NYNRIN: variants seen among roughly 807,000 people sequenced by gnomAD.
The protein encoded by NYNRIN is NYN domain and retroviral integrase containing.
A neutral mutation model predicts 146.6 loss-of-function variants in NYNRIN; 86 were observed. That is an observed-to-expected ratio of 0.59 (90% CI 0.49 to 0.70). NYNRIN has a LOEUF of 0.70. Ranked by LOEUF, NYNRIN falls within the 30% of genes least tolerant of loss-of-function variation. The pLI is 0.00. For missense variants in NYNRIN, 2,191 were observed against 2,377.7 expected, an observed-to-expected ratio of 0.92 and a Z score of 1.63; for synonymous variants, 1,027 against 1,001.3, an observed-to-expected ratio of 1.03 and a Z score of -0.48.
In NYNRIN at chr14:24,415,335, G is replaced by C. The variant is rs2042937575; in HGVS notation, c.3586G>C (p.Asp1196His). 4 of 1,613,828 alleles carry C rather than the reference G, an allele frequency of 2.5e-6. No homozygotes were observed. Among genetic ancestry groups the C allele is most frequent in the Admixed American group, 1.7e-5 (1 of 60,006 alleles). ...IAYTSKPLLP[D>H]EESQGPQSGG... is the part of the protein sequence containing the mutation. ...CTATACCTCAAAACCCCTCCTCCCT[G>C]ATGAGGAGAGCCAGGGCCCCCAGTC... Residue 1196 changes from aspartate to histidine, a missense_variant, in exon 9 of 9, where the codon GAT becomes CAT. By Grantham distance (81) the Asp-to-His change is moderately conservative. This residue lies in a region of NYNRIN where 1,291 missense variants were observed against 1,417.0 expected (regional missense o/e 0.91). Transcript: ENST00000382554.
chr14:24,401,666 TGA>T (rs2042844500), intron 2 of NYNRIN, among the ~76,000 whole-genome samples: 1 of 152,308 alleles, frequency 6.6e-6, no homozygotes, highest in Admixed American at 6.5e-5. Flanking sequence ...GAAGAGTTTG[TGA>T]GAGTCTGCTG....
intron 8 of NYNRIN, among the ~76,000 whole-genome samples, 198 bp from the exon 9 acceptor site, chr14:24,414,398 A>G (rs1167140721): frequency 6.6e-6 from 1 of 152,222 alleles, no homozygotes; most frequent in South Asian, 2.1e-4. Flanking sequence ...TGAACCTCTA[A>G]TACTGGGGGT....
chr14:24,409,372 A>G lies in NYNRIN; in HGVS notation c.1578A>G (p.Gln526=). 1.2e-6 allele frequency: 2 copies of G among 1,614,006 alleles called. No homozygotes were observed. The highest frequency in any genetic ancestry group is 2.7e-5 in the African/African-American group (2 of 75,062). Residue 526 remains glutamine, a synonymous_variant, in exon 4 of 9, where the codon CAA becomes CAG. Coordinates refer to ENST00000382554, the MANE Select transcript of NYNRIN (RefSeq NM_025081.3). ...LPTGQGKPVA[Q]GGLTDQSVPG... Reference sequence around the variant, plus strand: ...CAGGGCAAGGGAAGCCCGTGGCTCAAGGGGGGCTGACAGATCAGTCAGTAC... The same window carrying G: ...CAGGGCAAGGGAAGCCCGTGGCTCAGGGGGGGCTGACAGATCAGTCAGTAC...
Position 24,417,029 on chromosome 14 carries a change from C to T in NYNRIN, c.5280C>T (p.Val1760=). ...ASSTDATPFK[V]LTGGESRLTE... ...CCACTGATGCCACACCGTTCAAGGT[C>T]CTGACCGGGGGTGAGTCAAGGCTCA... Residue 1760 remains valine (V), a synonymous_variant, in exon 9 of 9, where the codon GTC becomes GTT. Transcript: ENST00000382554. The T allele has an allele frequency of 6.2e-7, 1 of 1,608,478 alleles. No homozygotes were observed. The highest frequency in any genetic ancestry group is 8.5e-7 in the Non-Finnish European group (1 of 1,176,720).
intron 8 of NYNRIN, 26 bp downstream of exon 8, chr14:24,413,443 C>T: frequency 6.6e-7 from 1 of 1,515,316 alleles, no homozygotes; most frequent in South Asian, 1.2e-5. Flanking sequence ...TCCCCAGCCT[C>T]CCAGGCCCTC....
In NYNRIN at chr14:24,414,841, G is replaced by A. The variant is rs986518721; in HGVS notation, c.3092G>A (p.Cys1031Tyr). 1.2e-6 allele frequency: 2 copies of A among 1,612,738 alleles called. No homozygotes were observed. The highest frequency in any genetic ancestry group is 3.3e-5 in the Admixed American group (2 of 59,980). ...CTGGCGTCAGTGTTCAGGGTGGAGT[G>A]CCCGTCCCTTTCGGAGGAGATCCTG... is the stretch of plus-strand genomic sequence containing the variant. ...SSLASVFRVE[C>Y]PSLSEEILRC... The change falls in exon 9 of 9, where the codon TGC (cysteine) becomes TAC (tyrosine). Residue 1031 changes from cysteine (C) to tyrosine (Y), a missense_variant. By Grantham distance (194) the Cys-to-Tyr change is radical (BLOSUM62 -2). Coordinates refer to ENST00000382554, the MANE Select transcript of NYNRIN (RefSeq NM_025081.3).
rs1164836415 is a variant in NYNRIN, at chr14:24,409,093, A to G, written c.1299A>G (p.Arg433=). Residue 433 remains arginine (R), a synonymous_variant, in exon 4 of 9, where the codon AGA becomes AGG. Transcript: ENST00000382554. The part of the protein sequence containing the change: ...PLPSAESPAG[R]PDGGLGGEAA... ...CTAGTGCAGAAAGCCCAGCTGGTAG[A>G]CCAGATGGGGGGCTGGGAGGAGAAG... The G allele has an allele frequency of 6.2e-7, 1 of 1,613,728 alleles. No individual in the cohort carries two copies. Among genetic ancestry groups the G allele is most frequent in the Non-Finnish European group, 8.5e-7 (1 of 1,179,794 alleles).
chr14:24,416,696 C>T lies in NYNRIN; in HGVS notation c.4947C>T (p.Phe1649=). 2 of 1,613,908 alleles carry T rather than the reference C, an allele frequency of 1.2e-6. No homozygotes were observed. Among genetic ancestry groups the T allele is most frequent in the Non-Finnish European group, 1.7e-6 (2 of 1,179,848 alleles). The change falls in exon 9 of 9, where the codon TTC becomes TTT. Residue 1649 remains phenylalanine (F), a synonymous_variant. Transcript: ENST00000382554. Reference sequence around the variant, plus strand: ...CAAACACCAGGTGGGTGGAGGCATTCCCCCTGAAGCCCTACACACACACGG... The same window carrying T: ...CAAACACCAGGTGGGTGGAGGCATTTCCCCTGAAGCCCTACACACACACGG... ...ADPNTRWVEA[F]PLKPYTHTAV... is the part of the protein sequence containing the mutation.
chr14:24,399,182 G>T, intron 1 of NYNRIN, 48 bp from the exon 2 acceptor site: 1 of 1,502,828 alleles, frequency 6.7e-7, no homozygotes, highest in Non-Finnish European at 9.1e-7. Context: ...GGGCTGGGGC[G>T]CCTGCCGCCC....
chr14:24,411,619 G>C lies in NYNRIN; in HGVS notation c.2642+169G>C, dbSNP rs1566486177. 6.6e-6 allele frequency among the ~76,000 whole-genome samples: 1 copy of C among 152,158 alleles called. No individual in the cohort carries two copies. Reference sequence around the variant, plus strand: ...CGGGCATCTGTCAGCAGAGGGATGGGCACATTGAGGAAAGGGCTTGAGGTT... The same window carrying C: ...CGGGCATCTGTCAGCAGAGGGATGGCCACATTGAGGAAAGGGCTTGAGGTT... On this transcript the variant is annotated intron_variant, in intron 6 of 8. Transcript: ENST00000382554. This position sits in a 1 kb window ranked among gnomAD's most constrained non-coding sequence, Gnocchi z 4.3.
rs746836385 is a variant in NYNRIN at position 24,415,692 on chromosome 14, T to C, written c.3943T>C (p.Tyr1315His). The part of the protein sequence containing the change: ...STFVCIHMSG[Y>H]CFYREDEWCA... ...GTTCGTCTGCATCCACATGTCGGGC[T>C]ACTGCTTCTACCGTGAGGATGAGTG... is the stretch of plus-strand genomic sequence containing the variant. Residue 1315 changes from tyrosine (Y) to histidine (H), a missense_variant, in exon 9 of 9, where the codon TAC becomes CAC. Transcript: ENST00000382554. The C allele has an allele frequency of 3.7e-6, 6 of 1,614,018 alleles. No individual in the cohort carries two copies. The highest frequency in any genetic ancestry group is 5.1e-6 in the Non-Finnish European group (6 of 1,179,878).
rs868474525 is a variant in NYNRIN, at chr14:24,416,670, C to T, written c.4921C>T (p.Pro1641Ser). ...TAAGCATGTACTTATTGTGGCTGAC[C>T]CAAACACCAGGTGGGTGGAGGCATT... ...GHKHVLIVADPNTRWVEAFPL... is the reference protein window; with the variant it reads ...GHKHVLIVADSNTRWVEAFPL... The change falls in exon 9 of 9, where the codon CCA (proline) becomes TCA (serine). Residue 1641 changes from proline to serine, a missense_variant. Pro to Ser is a moderately conservative substitution (Grantham distance 74). Around this residue, in one of 3 missense-constraint regions of NYNRIN, gnomAD observed 1,291 missense variants for 1,417.0 expected, o/e 0.91. Coordinates refer to ENST00000382554, the MANE Select transcript of NYNRIN (RefSeq NM_025081.3). 6.2e-6 allele frequency: 10 copies of T among 1,613,930 alleles called. No homozygotes were observed. In the Middle Eastern group the frequency reaches 1.2e-3, roughly 186 times the overall value.
At chr14:24,412,922 G>A (rs1480127334) in intron 6 of NYNRIN, 75 bp from the exon 7 acceptor site, 3 of 994,630 alleles carry the variant, frequency 3.0e-6, no homozygotes, top group Non-Finnish European at 4.6e-6. Context: ...GAAGCTGCAA[G>A]TTTATTTTCC....
At chr14:24,414,268 T>G (rs1466743338) in intron 8 of NYNRIN, among the ~76,000 whole-genome samples, 1 of 152,272 alleles carries the variant, frequency 6.6e-6, no homozygotes, top group Admixed American at 6.5e-5. Context: ...TTTCCAGGAT[T>G]GCTCATCCTG....
chr14:24,416,964 G>T lies in NYNRIN; in HGVS notation c.5215G>T (p.Ala1739Ser). The T allele has an allele frequency of 3.2e-6, 5 of 1,583,242 alleles. No homozygotes were observed. The highest frequency in any genetic ancestry group is 4.3e-6 in the Non-Finnish European group (5 of 1,163,204). ...FIFLHGKKWA[A>S]SLPLLHLAFR... ...CTTCCTGCATGGGAAGAAGTGGGCG[G>T]CCTCCCTGCCTTTGCTGCACCTGGC... Residue 1739 changes from alanine (A) to serine (S), a missense_variant, in exon 9 of 9, where the codon GCC becomes TCC. Coordinates refer to ENST00000382554, the MANE Select transcript of NYNRIN (RefSeq NM_025081.3).
intron 8 of NYNRIN, 22 bp downstream of exon 8, chr14:24,413,439 G>A: frequency 2.0e-6 from 3 of 1,536,354 alleles, no homozygotes; most frequent in Non-Finnish European, 2.7e-6. Flanking sequence ...GACCTCCCCA[G>A]CCTCCCAGGC....
chr14:24,411,143 G>A lies in NYNRIN; in HGVS notation c.2482G>A (p.Gly828Arg). The change falls in exon 5 of 9, where the codon GGA becomes AGA. Residue 828 changes from glycine (G) to arginine (R), a missense_variant. Coordinates refer to ENST00000382554, the MANE Select transcript of NYNRIN (RefSeq NM_025081.3). This position sits in a 1 kb window ranked among gnomAD's most constrained non-coding sequence, Gnocchi z 4.3. ...AMAVQFFWNRGHREVTVFVPT... is the reference protein window; with the variant it reads ...AMAVQFFWNRRHREVTVFVPT... ...GGCAGTGCAGTTTTTCTGGAACCGG[G>A]GACACCGAGAGGTCACTGTGTTTGT... 6.2e-7 allele frequency: 1 copy of A among 1,611,248 alleles called. No individual in the cohort carries two copies.
intron 2 of NYNRIN, among the ~76,000 whole-genome samples, chr14:24,406,432 G>C (rs1005442805): frequency 2.6e-5 from 4 of 152,172 alleles, no homozygotes; most frequent in Non-Finnish European, 4.4e-5. Flanking sequence ...CACCTGCTCA[G>C]ATTTAACCTT....
At chr14:24,401,378 A>G (rs2042842147) in intron 2 of NYNRIN, among the ~76,000 whole-genome samples, 1 of 151,988 alleles carries the variant, frequency 6.6e-6, no homozygotes, top group Non-Finnish European at 1.5e-5. Context: ...TATTTTACAC[A>G]ATGACCATAA....
Sources: allele counts gnomAD v4.1 joint callset (sites outside exome capture counted in the v4.1 genomes callset), GRCh38; gene constraint gnomAD v4.1.1; regional missense constraint gnomAD v4.1.1; non-coding constraint Gnocchi (gnomAD v3.1); transcripts MANE v1.5; gene names NCBI Gene and HGNC (gene_info 2026-07-23, HGNC 2026-07-21).